Variants in RIN3 observed in about 807,000 individuals in gnomAD.
RIN3 encodes the protein Ras and Rab interactor 3.
A neutral mutation model predicts 76.3 loss-of-function variants in RIN3; 54 were observed. The observed-to-expected ratio is 0.71, with a 90% CI of 0.57 to 0.89. The LOEUF is 0.89. RIN3 is among the 40% of genes least tolerant of loss of function. RIN3 has a pLI of 0.00. For synonymous variants in RIN3, 576 were observed against 564.0 expected (o/e 1.02, Z -0.30); for missense variants, 1,256 against 1,322.1 (o/e 0.95, Z 0.78).
At chr14:92,525,306 C>G (rs928357976) in intron 1 of RIN3, among the ~76,000 whole-genome samples, 2 of 152,216 alleles carry the variant, frequency 1.3e-5, no homozygotes, top group African/African-American at 2.4e-5. Context: ...TGTAGCCCCA[C>G]TAGACTGTAA....
chr14:92,668,938 C>T (rs1324145395), intron 7 of RIN3, among the ~76,000 whole-genome samples: 1 of 152,222 alleles, frequency 6.6e-6, no homozygotes, highest in Non-Finnish European at 1.5e-5. Flanking sequence ...TTCCTGCTGT[C>T]ATACGTTTTT....
At chr14:92,645,368 GT>G (rs1218922489) in intron 5 of RIN3, among the ~76,000 whole-genome samples, 1 of 152,128 alleles carries the variant, frequency 6.6e-6, no homozygotes, top group African/African-American at 2.4e-5. Flanking sequence ...GTAAAAGCCC[GT>G]TTTACAGATA....
intron 2 of RIN3, 28 bp from the exon 3 acceptor site, chr14:92,577,332 G>A (rs372610319): frequency 1.6e-5 from 24 of 1,522,662 alleles, no homozygotes; most frequent in African/African-American, 1.1e-4. Context: ...TTTAATTCAC[G>A]GAGCTGCATC....
At chr14:92,552,222 G>A (rs10141449) in intron 1 of RIN3, among the ~76,000 whole-genome samples, 45,106 of 152,146 alleles carry the variant, frequency 0.3, 7,006 homozygotes, top group Admixed American at 0.36. Context: ...TACAGTCCTC[G>A]TGATGTTGGA....
At chr14:92,616,920 A>G (rs924007381) in intron 4 of RIN3, among the ~76,000 whole-genome samples, 2 of 152,352 alleles carry the variant, frequency 1.3e-5, no homozygotes, top group Non-Finnish European at 2.9e-5. Context: ...TTAAAGTCTT[A>G]GCACAAATGA....
At chr14:92,654,948 TAAG>T (rs1887612771) in intron 6 of RIN3, among the ~76,000 whole-genome samples, 1 of 151,986 alleles carries the variant, frequency 6.6e-6, no homozygotes, top group South Asian at 2.1e-4. Flanking sequence ...GTGGATCACC[TAAG>T]GTCAGGAGTT....
chr14:92,602,590 C>A (rs1181226321), intron 3 of RIN3, among the ~76,000 whole-genome samples: 1 of 152,128 alleles, frequency 6.6e-6, no homozygotes, highest in Non-Finnish European at 1.5e-5. Flanking sequence ...AAGTACAGAG[C>A]CTGGCACAGT....
intron 1 of RIN3, among the ~76,000 whole-genome samples, chr14:92,546,185 A>G (rs1479014285): frequency 6.6e-6 from 1 of 152,102 alleles, no homozygotes; most frequent in East Asian, 1.9e-4. Context: ...TCGGCTTCCC[A>G]AAGGGCTGGG....
chr14:92,661,304 T>C (rs1887873119), intron 7 of RIN3, among the ~76,000 whole-genome samples: 1 of 152,178 alleles, frequency 6.6e-6, no homozygotes, highest in South Asian at 2.1e-4. Context: ...GTGGGTATGA[T>C]TGGGGTATGG....
intron 3 of RIN3, among the ~76,000 whole-genome samples, chr14:92,606,916 C>CAT (rs34569403): frequency 0.5 from 76,126 of 151,958 alleles, 19,915 homozygotes; most frequent in Admixed American, 0.61. Context: ...GAAGTAAAAA[C>CAT]ATCCACACAA....
At chr14:92,532,299 A>G (rs1404408929) in intron 1 of RIN3, among the ~76,000 whole-genome samples, 3 of 152,218 alleles carry the variant, frequency 2.0e-5, no homozygotes, top group Non-Finnish European at 4.4e-5. Context: ...GCTAACAGCA[A>G]CAGGCTAGAA....
At chr14:92,638,741 A>C (rs976586980) in intron 4 of RIN3, among the ~76,000 whole-genome samples, 2 of 152,180 alleles carry the variant, frequency 1.3e-5, no homozygotes, top group Admixed American at 1.3e-4. Context: ...CAGTCCGGCC[A>C]TCAGAAGACC....
intron 2 of RIN3, chr14:92,576,110 C>T (rs1187640706): frequency 4.1e-6 from 3 of 723,344 alleles, no homozygotes; most frequent in Non-Finnish European, 5.8e-6. Context: ...AAGTCCTTCC[C>T]CTATGGAGGG....
At chr14:92,665,628 A>G (rs9672040) in intron 7 of RIN3, among the ~76,000 whole-genome samples, 100,247 of 151,548 alleles carry the variant, frequency 0.66, 33,352 homozygotes, top group East Asian at 0.77. Context: ...TGATCCACCC[A>G]CCTCGGCCTC....
intron 4 of RIN3, among the ~76,000 whole-genome samples, chr14:92,620,128 A>G (rs1886120382): frequency 6.6e-6 from 1 of 152,258 alleles, no homozygotes; most frequent in African/African-American, 2.4e-5. Context: ...GTAAAACTTT[A>G]CAGAGGAGAC....
chr14:92,547,672 A>T (rs531193225), intron 1 of RIN3, among the ~76,000 whole-genome samples: 1 of 151,238 alleles, frequency 6.6e-6, no homozygotes, highest in Non-Finnish European at 1.5e-5. Flanking sequence ...CTGAGATTGC[A>T]GGTGTGAATC....
chr14:92,634,479 A>G (rs1012870369), intron 4 of RIN3, among the ~76,000 whole-genome samples: 17 of 152,172 alleles, frequency 1.1e-4, no homozygotes, highest in Non-Finnish European at 2.5e-4. Flanking sequence ...AGGTTGCTTA[A>G]TCTTAATATT....
At chr14:92,668,908 C>T (rs1595499661) in intron 7 of RIN3, among the ~76,000 whole-genome samples, 1 of 152,240 alleles carries the variant, frequency 6.6e-6, no homozygotes, top group Admixed American at 6.5e-5. Context: ...TTGAAGTCTA[C>T]TGTTCTAAAT....
intron 1 of RIN3, among the ~76,000 whole-genome samples, chr14:92,527,207 C>T (rs144692516): frequency 7.9e-5 from 12 of 151,902 alleles, no homozygotes; most frequent in South Asian, 6.3e-4. Flanking sequence ...CCCGCCACCA[C>T]GCCCGGCTAA....
Sources: allele counts gnomAD v4.1 joint callset (sites outside exome capture counted in the v4.1 genomes callset), GRCh38; gene constraint gnomAD v4.1.1; transcripts MANE v1.5; gene names NCBI Gene and HGNC (gene_info 2026-07-23, HGNC 2026-07-21).